The following GYPB variants were observed in gnomAD, a reference collection of about 807,000 sequenced individuals.
The protein encoded by GYPB is glycophorin-B.
Under a neutral mutation model 15.3 loss-of-function variants are expected in GYPB, and 13 were observed. The ratio of observed to expected loss-of-function variants is 0.85; its 90% CI spans 0.55 to 1.35. The LOEUF is 1.35. Among genes scored for constraint, GYPB ranks in the 40% most tolerant of loss-of-function variants. The probability of loss-of-function intolerance (pLI) is 0.00; values close to 1 mark genes in which losing one functional copy is unlikely to be tolerated. For missense variants in GYPB, 131 were observed against 108.3 expected (o/e 1.21, Z -0.93); for synonymous variants, 38 against 36.9 (o/e 1.03, Z -0.11).
downstream of GYPB, among the ~76,000 whole-genome samples, chr4:143,995,572 A>G (rs755895145): frequency 1.3e-5 from 2 of 151,210 alleles, no homozygotes; most frequent in Non-Finnish European, 2.9e-5. Context: ...TGACCCAGCC[A>G]TCTCAGTAAG....
chr4:143,999,510 A>G (rs1157930535), intron 2 of GYPB, 61 bp from the exon 3 acceptor site: 18 of 895,812 alleles, frequency 2.0e-5, no homozygotes, highest in Non-Finnish European at 2.5e-5. Flanking sequence ...GAAAAAAATC[A>G]TTTTGGAATC....
intron 1 of GYPB, chr4:144,002,560 T>G (rs1182055737): frequency 7.8e-7 from 1 of 1,274,900 alleles, no homozygotes; most frequent in Non-Finnish European, 1.0e-6. Context: ...CCCTGAACTC[T>G]GTAGATGTAC....
At chr4:144,011,675 T>G (rs1251828468) in intron 1 of GYPB, among the ~76,000 whole-genome samples, 1 of 151,294 alleles carries the variant, frequency 6.6e-6, no homozygotes, top group African/African-American at 2.5e-5. Context: ...AGAAAGGATC[T>G]GAAATATATC....
rs1727612477 is a variant in GYPB, at chr4:144,001,276, C to T, written c.45G>A (p.Val15=). 6.2e-7 allele frequency: 1 copy of T among 1,612,830 alleles called. No homozygotes were observed. The highest frequency in any genetic ancestry group is 8.5e-7 in the Non-Finnish European group (1 of 1,179,796). The change falls in exon 2 of 5, where the codon GTG becomes GTA. Residue 15 remains valine (V), a synonymous_variant. Transcript: ENST00000502664. Reference sequence around the variant, plus strand: ...CAGTGGTACTTAATGCTGATATGCTCACAATTTCTGTATAAAATAGAAGTT... The same window carrying T: ...CAGTGGTACTTAATGCTGATATGCTTACAATTTCTGTATAAAATAGAAGTT... ...IIFVLLLSEI[V]SISALSTTEV... is the part of the protein sequence containing the mutation.
rs781757402 is a variant in GYPB at position 144,019,227 on chromosome 4, C to A, written c.37+24G>T. The stretch of plus-strand genomic sequence containing the variant: ...TGATCTCATACCCAATATAACAGAA[C>A]CAAGATGAAATAAAATCACTTACCT... On this transcript the variant is annotated intron_variant, in intron 1 of 4. Coordinates refer to ENST00000502664, the MANE Select transcript of GYPB (RefSeq NM_002100.6). 20 of 1,610,298 alleles carry A rather than the reference C, an allele frequency of 1.2e-5. No homozygotes were observed. In the South Asian group the frequency reaches 1.4e-4, roughly 12 times the overall value.
chr4:144,000,493 T>A (rs1042565856), intron 2 of GYPB: 6 of 765,684 alleles, frequency 7.8e-6, no homozygotes, highest in Non-Finnish European at 1.1e-5. Context: ...TAAGAGAAGT[T>A]GAGAAAGGGA....
At chr4:144,014,002 A>G (rs1451303592) in intron 1 of GYPB, among the ~76,000 whole-genome samples, 6 of 151,608 alleles carry the variant, frequency 4.0e-5, no homozygotes, top group Non-Finnish European at 4.4e-5. Context: ...ACATGAGAAG[A>G]TTCTCAGCAT....
chr4:144,013,253 A>G (rs2149968374), intron 1 of GYPB, among the ~76,000 whole-genome samples: 1 of 151,234 alleles, frequency 6.6e-6, no homozygotes, highest in Non-Finnish European at 1.5e-5. Context: ...GGCAATCATT[A>G]AAAAGTCAGG....
chr4:143,997,680 A>C (rs771749120), intron 3 of GYPB, 46 bp from the exon 4 acceptor site: 2 of 941,458 alleles, frequency 2.1e-6, no homozygotes, highest in Non-Finnish European at 3.5e-6. Context: ...AAATGACCAC[A>C]TAGCAATAGA....
chr4:143,995,659 C>T (rs1280704112), downstream of GYPB, among the ~76,000 whole-genome samples: 1 of 150,990 alleles, frequency 6.6e-6, no homozygotes, highest in Non-Finnish European at 1.5e-5. Flanking sequence ...GTGCTCCTAC[C>T]CCTGTGCCTG....
intron 4 of GYPB, 31 bp downstream of exon 4, chr4:143,997,509 T>C: frequency 7.8e-7 from 1 of 1,283,832 alleles, no homozygotes; most frequent in Non-Finnish European, 1.1e-6. Context: ...CACACTGGTA[T>C]TTAGAGCAAA....
At chr4:144,018,164 T>C (rs1433569575) in intron 1 of GYPB, among the ~76,000 whole-genome samples, 1 of 151,456 alleles carries the variant, frequency 6.6e-6, no homozygotes, top group African/African-American at 2.5e-5. Context: ...TTGTTTAATC[T>C]TTATGCAATT....
intron 1 of GYPB, among the ~76,000 whole-genome samples, chr4:144,006,680 A>G (rs1406367277): frequency 1.3e-5 from 2 of 151,990 alleles, no homozygotes; most frequent in Non-Finnish European, 2.9e-5. Flanking sequence ...CTTATCTTGC[A>G]TAAGCAAACT....
intron 1 of GYPB, among the ~76,000 whole-genome samples, chr4:144,010,199 C>T (rs1245781378): frequency 2.6e-4 from 40 of 151,432 alleles, no homozygotes; most frequent in Admixed American, 2.2e-3. Flanking sequence ...TGTGGTGGCT[C>T]ATGCCTGTAA....
At chr4:144,011,503 T>A (rs1192353995) in intron 1 of GYPB, among the ~76,000 whole-genome samples, 1 of 151,284 alleles carries the variant, frequency 6.6e-6, no homozygotes, top group Non-Finnish European at 1.5e-5. Context: ...CATTAAGCAA[T>A]ATATTTCACA....
rs180694732 is a variant in GYPB at position 144,011,129 on chromosome 4, C to T, written c.37+8122G>A. ...GGTGCAATGGCTCATGCCTGTAATC[C>T]CAACATTTTGGGAGGCTGAGGCAGG... On this transcript the variant is annotated intron_variant, in intron 1 of 4. Transcript: ENST00000502664. Among the ~76,000 whole-genome samples the T allele has an allele frequency of 3.1e-3, 461 of 149,840 alleles. 6 individuals carry two copies. Among genetic ancestry groups the T allele is most frequent in the Non-Finnish European group, 4.8e-3 (323 of 67,884 alleles).
At position 144,010,182 on chromosome 4, in the gene GYPB, G is replaced by T. The variant is rs151146272; in HGVS notation, c.38-8899C>A. On this transcript the variant is annotated intron_variant, in intron 1 of 4. Transcript: ENST00000502664. Reference sequence around the variant, plus strand: ...ACTGGCACTAAAAAATTAAGTTGTAGTCTAGGTGTGGTGGCTCATGCCTGT... The same window carrying T: ...ACTGGCACTAAAAAATTAAGTTGTATTCTAGGTGTGGTGGCTCATGCCTGT... Among the ~76,000 whole-genome samples, 168 of 151,418 alleles carry T rather than the reference G, an allele frequency of 1.1e-3. 7 individuals are homozygous for T. Among genetic ancestry groups the T allele is most frequent in the African/African-American group, 3.8e-3 (155 of 40,750 alleles).
intron 3 of GYPB, 27 bp from the exon 4 acceptor site, chr4:143,997,661 G>T (rs1454993920): frequency 8.5e-7 from 1 of 1,172,258 alleles, no homozygotes; most frequent in Non-Finnish European, 1.3e-6. Flanking sequence ...AATTATGAAA[G>T]TCTGAAATAA....
intron 1 of GYPB, among the ~76,000 whole-genome samples, chr4:144,014,814 T>A (rs1266178926): frequency 2.6e-5 from 4 of 151,588 alleles, no homozygotes; most frequent in Non-Finnish European, 5.9e-5. Flanking sequence ...AAAAATTAAG[T>A]GTATGTAAAT....
Sources: allele counts gnomAD v4.1 joint callset (sites outside exome capture counted in the v4.1 genomes callset), GRCh38; gene constraint gnomAD v4.1.1; transcripts MANE v1.5; gene names NCBI Gene and HGNC (gene_info 2026-07-23, HGNC 2026-07-21).